MEGF9: variants seen among roughly 807,000 people sequenced by gnomAD.
The protein encoded by MEGF9 is multiple epidermal growth factor-like domains protein 9.
MEGF9 carries 6 observed loss-of-function variants against 46.8 expected under a neutral mutation model. The observed-to-expected ratio is 0.13, with a 90% CI of 0.07 to 0.25. MEGF9 has a LOEUF of 0.25. MEGF9 is among the 10% of genes least tolerant of loss of function. MEGF9 has a pLI of 1.00. For synonymous variants in MEGF9, 302 were observed against 330.7 expected (o/e 0.91, Z 0.94); for missense variants, 683 against 792.4 (o/e 0.86, Z 1.66).
intron 2 of MEGF9, among the ~76,000 whole-genome samples, chr9:120,625,363 A>C (rs2043519350): frequency 6.6e-6 from 1 of 152,152 alleles, no homozygotes; most frequent in Non-Finnish European, 1.5e-5. Flanking sequence ...TAGGGTTTTT[A>C]AGGACAACTT....
chr9:120,610,431 C>T (rs1223347383), intron 4 of MEGF9, among the ~76,000 whole-genome samples: 2 of 152,206 alleles, frequency 1.3e-5, no homozygotes, highest in Non-Finnish European at 2.9e-5. Context: ...TGATGTTTCA[C>T]TCCTTCTGCC....
intron 1 of MEGF9, among the ~76,000 whole-genome samples, 199 bp from the exon 2 acceptor site, chr9:120,659,774 AGT>A (rs1233190496): frequency 1.4e-5 from 2 of 143,208 alleles, no homozygotes; most frequent in Middle Eastern, 3.5e-3. Context: ...TAAATTATGT[AGT>A]GTGTGTGTGA....
At chr9:120,639,309 GA>G (rs2043591965) in intron 2 of MEGF9, among the ~76,000 whole-genome samples, 1 of 151,938 alleles carries the variant, frequency 6.6e-6, no homozygotes, top group African/African-American at 2.4e-5. Flanking sequence ...AGGAGTTTGA[GA>G]CTAGCTTGGC....
At chr9:120,669,761 G>A (rs2043740457) in intron 1 of MEGF9, among the ~76,000 whole-genome samples, 1 of 152,116 alleles carries the variant, frequency 6.6e-6, no homozygotes, top group Non-Finnish European at 1.5e-5. Flanking sequence ...AGATAAAAAT[G>A]TGACAGTATC....
chr9:120,612,291 C>T, intron 4 of MEGF9, 105 bp downstream of exon 4: 2 of 1,082,788 alleles, frequency 1.8e-6, no homozygotes, highest in Non-Finnish European at 2.6e-6. Context: ...TTTATAACTC[C>T]CTTTCACCTA....
intron 1 of MEGF9, among the ~76,000 whole-genome samples, chr9:120,687,670 C>CTGTGTGTGTGTGTGTGTGTG (rs71385077): frequency 2.1e-5 from 3 of 141,988 alleles, no homozygotes; most frequent in Non-Finnish European, 4.6e-5. Flanking sequence ...GAACACAACA[C>CTGTGTGTGTGTGTGTGTGTG]TGTGTGTGTG....
intron 3 of MEGF9, among the ~76,000 whole-genome samples, chr9:120,616,665 A>G (rs548745029): frequency 2.3e-5 from 3 of 132,966 alleles, no homozygotes; most frequent in African/African-American, 8.8e-5. Flanking sequence ...GTGACAGAGC[A>G]AGACTCTGTC....
chr9:120,676,817 C>T (rs2043775177), intron 1 of MEGF9, among the ~76,000 whole-genome samples: 1 of 152,152 alleles, frequency 6.6e-6, no homozygotes, highest in South Asian at 2.1e-4. Context: ...CTTTGTTGCA[C>T]ATTTTACTTG....
chr9:120,656,379 C>T (rs138673538), intron 2 of MEGF9, among the ~76,000 whole-genome samples: 2 of 151,854 alleles, frequency 1.3e-5, no homozygotes, highest in African/African-American at 4.8e-5. Context: ...AACCCCACCT[C>T]TACTAAAAAT....
At chr9:120,650,360 G>T (rs1238653811) in intron 2 of MEGF9, among the ~76,000 whole-genome samples, 1 of 152,218 alleles carries the variant, frequency 6.6e-6, no homozygotes, top group Admixed American at 6.5e-5. Flanking sequence ...CATTTATTAA[G>T]CACATGTCAA....
intron 2 of MEGF9, among the ~76,000 whole-genome samples, chr9:120,647,078 T>C (rs1415471437): frequency 6.6e-6 from 1 of 151,842 alleles, no homozygotes; most frequent in African/African-American, 2.4e-5. Context: ...ACATGTTTAA[T>C]CAACGGCAAT....
At chr9:120,621,352 T>C (rs10760107) in intron 3 of MEGF9, among the ~76,000 whole-genome samples, 104,449 of 152,084 alleles carry the variant, frequency 0.69, 36,064 homozygotes, top group South Asian at 0.75. Flanking sequence ...CTCTGTTCTT[T>C]CCATTATATT....
chr9:120,610,215 C>CAT (rs1271441353), intron 4 of MEGF9, among the ~76,000 whole-genome samples: 3 of 152,158 alleles, frequency 2.0e-5, no homozygotes, highest in Admixed American at 1.3e-4. Context: ...AGTGAAAAGG[C>CAT]ATATATTCCT....
chr9:120,685,914 C>T (rs1171783287), intron 1 of MEGF9, among the ~76,000 whole-genome samples: 2 of 152,088 alleles, frequency 1.3e-5, no homozygotes, highest in Non-Finnish European at 2.9e-5. Flanking sequence ...CTGTCACATG[C>T]TACAACATGG....
Position 120,601,863 on chromosome 9 carries a change from G to A in MEGF9, c.*3327C>T, listed in dbSNP as rs916072561. On this transcript the variant is annotated 3_prime_UTR_variant, in exon 6 of 6. Coordinates refer to ENST00000373930, the MANE Select transcript of MEGF9 (RefSeq NM_001080497.3). The stretch of plus-strand genomic sequence containing the variant: ...ACCTAACCATCAGAAATGCATAGGC[G>A]CTTACCAAAATGAATTAATGAAGAT... 5 of 152,090 alleles carry A rather than the reference G, an allele frequency of 3.3e-5. No individual in the cohort carries two copies. The highest frequency in any genetic ancestry group is 6.6e-5 in the Admixed American group (1 of 15,262). The allele number at this position is 152,090 out of a possible 1,614,324, so 9.4% of individuals were successfully genotyped here.
chr9:120,639,054 C>T (rs1440540972), intron 2 of MEGF9, among the ~76,000 whole-genome samples: 2 of 152,184 alleles, frequency 1.3e-5, no homozygotes, highest in Non-Finnish European at 2.9e-5. Context: ...CTGTCAGTTT[C>T]ATATGCTGTA....
chr9:120,652,142 GCACA>G (rs869130385), intron 2 of MEGF9, among the ~76,000 whole-genome samples: 5,329 of 25,652 alleles, frequency 0.21, 1,221 homozygotes, highest in Non-Finnish European at 0.26. Flanking sequence ...AAACAAACAA[GCACA>G]CACACACACA....
chr9:120,627,050 A>T (rs1029976764), intron 2 of MEGF9, among the ~76,000 whole-genome samples: 15 of 152,214 alleles, frequency 9.9e-5, no homozygotes, highest in Non-Finnish European at 1.8e-4. Flanking sequence ...TAAAATTTGT[A>T]AGTAATTTAA....
chr9:120,666,563 G>C (rs978591289), intron 1 of MEGF9, among the ~76,000 whole-genome samples: 1 of 152,186 alleles, frequency 6.6e-6, no homozygotes, highest in Non-Finnish European at 1.5e-5. Context: ...CAAAATAGTA[G>C]AGACACTTTG....
Sources: allele counts gnomAD v4.1 joint callset (sites outside exome capture counted in the v4.1 genomes callset), GRCh38; gene constraint gnomAD v4.1.1; transcripts MANE v1.5; gene names NCBI Gene and HGNC (gene_info 2026-07-23, HGNC 2026-07-21).